The following TCP11L2 variants were observed in gnomAD, a reference collection of about 807,000 sequenced individuals.
The protein encoded by TCP11L2 is T-complex protein 11-like protein 2.
Under a neutral mutation model 50.7 loss-of-function variants are expected in TCP11L2, and 39 were observed. The ratio of observed to expected loss-of-function variants is 0.77; its 90% CI spans 0.60 to 1.01. TCP11L2 has a LOEUF of 1.01. Among genes scored for constraint, TCP11L2 ranks in the 50% least tolerant of loss-of-function variants. The pLI is 0.00. For synonymous variants in TCP11L2, 192 were observed against 219.3 expected, an observed-to-expected ratio of 0.88 and a Z score of 1.10; for missense variants, 612 against 614.7, an observed-to-expected ratio of 1.00 and a Z score of 0.05.
chr12:106,313,137 AT>A, intron 2 of TCP11L2, among the ~76,000 whole-genome samples: 1 of 152,252 alleles, frequency 6.6e-6, no homozygotes, highest in African/African-American at 2.4e-5. Context: ...AGTTCTTACT[AT>A]CTTCTTCTTT....
intron 6 of TCP11L2, 79 bp from the exon 7 acceptor site, chr12:106,335,560 C>A: frequency 6.8e-7 from 1 of 1,461,512 alleles, no homozygotes; most frequent in Non-Finnish European, 9.4e-7. Flanking sequence ...CAGCACCCAA[C>A]ACAGCATCTG....
rs552286380 is a variant in TCP11L2, at chr12:106,343,799, G to A, written c.1316-2487G>A. Reference sequence around the variant, plus strand: ...AGCCTCCCTAGTAGCTGGGACTACAGGTGCGGACCACCAAGCCCAGCTATT... The same window carrying A: ...AGCCTCCCTAGTAGCTGGGACTACAAGTGCGGACCACCAAGCCCAGCTATT... On this transcript the variant is annotated intron_variant, in intron 9 of 9. Coordinates refer to ENST00000299045, the MANE Select transcript of TCP11L2 (RefSeq NM_152772.3). Among the ~76,000 whole-genome samples the A allele has an allele frequency of 8.6e-5, 13 of 151,772 alleles. No individual in the cohort carries two copies. In the East Asian group the frequency reaches 2.6e-3, roughly 30 times the overall value.
intron 8 of TCP11L2, among the ~76,000 whole-genome samples, chr12:106,337,581 A>G (rs776624805): frequency 2.6e-5 from 4 of 152,246 alleles, no homozygotes. Context: ...AAATGTTATT[A>G]TAAAGTATAC....
chr12:106,319,510 C>A (rs1169460056), intron 4 of TCP11L2, among the ~76,000 whole-genome samples: 7 of 152,204 alleles, frequency 4.6e-5, no homozygotes. Context: ...GCCATGGACA[C>A]AGCTTAGGGT....
Position 106,346,923 on chromosome 12 carries a change from T to C in TCP11L2, c.*393T>C, listed in dbSNP as rs1244677501. On this transcript the variant is annotated 3_prime_UTR_variant, in exon 10 of 10. Transcript: ENST00000299045. ...CAAACCTAATGGTTTTTAATTTTGGTACAACTCCTTAAAGGGTTGAAGGTT... is the reference window on the plus strand; with the variant it reads ...CAAACCTAATGGTTTTTAATTTTGGCACAACTCCTTAAAGGGTTGAAGGTT... The C allele has an allele frequency of 6.2e-6, 1 of 160,846 alleles. No homozygotes were observed. Among genetic ancestry groups the C allele is most frequent in the Non-Finnish European group, 1.4e-5 (1 of 73,644 alleles). The allele number at this position is 160,846 out of a possible 1,614,324, so 10.0% of individuals were successfully genotyped here.
intron 4 of TCP11L2, among the ~76,000 whole-genome samples, 184 bp downstream of exon 4, chr12:106,318,648 A>T (rs558185013): frequency 6.6e-6 from 1 of 152,380 alleles, no homozygotes; most frequent in Admixed American, 6.5e-5. Flanking sequence ...TCCCTGATTC[A>T]TAGATGGTGC....
chr12:106,307,756 A>G (rs34826388), intron 1 of TCP11L2, among the ~76,000 whole-genome samples: 9,125 of 152,284 alleles, frequency 0.06, 364 homozygotes, highest in Non-Finnish European at 0.087. Context: ...GTTGAAGAAT[A>G]TGGTGTTATC....
At chr12:106,345,647 T>G (rs970441346) in intron 9 of TCP11L2, among the ~76,000 whole-genome samples, 22 of 142,120 alleles carry the variant, frequency 1.5e-4, no homozygotes, top group African/African-American at 5.8e-4. Flanking sequence ...AATAGGGCTC[T>G]GCCTTTTTTT....
At chr12:106,307,740 T>C (rs1360797331) in intron 1 of TCP11L2, among the ~76,000 whole-genome samples, 1 of 152,232 alleles carries the variant, frequency 6.6e-6, no homozygotes, top group Non-Finnish European at 1.5e-5. Flanking sequence ...CCAGCCTTGT[T>C]TGTCTGTTGA....
rs556489287 is a variant in TCP11L2 at position 106,329,996 on chromosome 12, GTCTC to G, written c.773-5637_773-5634del. 156 of 985,542 alleles carry G rather than the reference GTCTC, an allele frequency of 1.6e-4. No homozygotes were observed. The South Asian group carries it at 6.2e-3, about 39-fold the overall frequency. The allele number at this position is 985,542 out of a possible 1,614,324, so 61.0% of individuals were successfully genotyped here. ...AGTGCTGGGTCCAAGAAGAATTTCA[GTCTC>G]TCTCTACTCTGCACCTGTGTTCAGG... On this transcript the variant is annotated intron_variant, in intron 6 of 9. Transcript: ENST00000299045.
Position 106,314,373 on chromosome 12 carries a change from G to A in TCP11L2, c.173G>A (p.Arg58Lys), listed in dbSNP as rs748125058. 2.5e-6 allele frequency: 4 copies of A among 1,609,260 alleles called. No homozygotes were observed. In the East Asian group the frequency reaches 8.9e-5, roughly 36 times the overall value. The part of the protein sequence containing the change: ...SSSPASTSPP[R>K]VVTFDEVMAT... ...TTTCTTTCAGCAACAAGCCCTCCAA[G>A]GGTTGTAACATTTGATGAAGTGATG... The change falls in exon 3 of 10, where the codon AGG becomes AAG. Residue 58 changes from arginine to lysine, a missense_variant. By Grantham distance (26) the Arg-to-Lys change is conservative. Transcript: ENST00000299045.
At chr12:106,306,648 T>C (rs1403360399) in intron 1 of TCP11L2, among the ~76,000 whole-genome samples, 1 of 152,206 alleles carries the variant, frequency 6.6e-6, no homozygotes, top group Non-Finnish European at 1.5e-5. Flanking sequence ...TGACATTACA[T>C]TTTCGGAACT....
chr12:106,311,598 T>A (rs1334070908), intron 2 of TCP11L2, among the ~76,000 whole-genome samples: 2 of 152,160 alleles, frequency 1.3e-5, no homozygotes, highest in Non-Finnish European at 2.9e-5. Context: ...CTGATTTACA[T>A]TGAAGGAAAC....
chr12:106,329,700 T>C (rs1209040226), intron 6 of TCP11L2: 1 of 1,114,252 alleles, frequency 9.0e-7, no homozygotes, highest in Non-Finnish European at 1.1e-6. Context: ...CTAAATGGGC[T>C]CTTAAATGTG....
chr12:106,338,104 G>C (rs555109904), intron 8 of TCP11L2, among the ~76,000 whole-genome samples: 1 of 152,204 alleles, frequency 6.6e-6, no homozygotes, highest in Admixed American at 6.5e-5. Context: ...CATGGCTTAT[G>C]CTAAGACAAC....
At chr12:106,302,142 T>G (rs2034432921), upstream of TCP11L2, 1 of 152,322 alleles carries the variant, frequency 6.6e-6, no homozygotes, top group African/African-American at 2.4e-5. Flanking sequence ...GGGCACCCAG[T>G]TCCGATTGCC....
chr12:106,309,240 G>A (rs1191911365), intron 1 of TCP11L2, among the ~76,000 whole-genome samples: 1 of 152,190 alleles, frequency 6.6e-6, no homozygotes, highest in Admixed American at 6.5e-5. Flanking sequence ...CTTCCCCTGA[G>A]CAGATTGGAG....
chr12:106,301,700 TA>T (rs2034420504), upstream of TCP11L2, among the ~76,000 whole-genome samples: 1 of 152,170 alleles, frequency 6.6e-6, no homozygotes, highest in African/African-American at 2.4e-5. Context: ...ATTTCCCAAG[TA>T]ATACAGCACC....
chr12:106,300,092 A>G (rs1248656644), upstream of TCP11L2, among the ~76,000 whole-genome samples: 1 of 152,114 alleles, frequency 6.6e-6, no homozygotes, highest in East Asian at 1.9e-4. Flanking sequence ...AGTTAGAAAA[A>G]CTAGGTGTAA....
Sources: allele counts gnomAD v4.1 joint callset (sites outside exome capture counted in the v4.1 genomes callset), GRCh38; gene constraint gnomAD v4.1.1; transcripts MANE v1.5; gene names NCBI Gene and HGNC (gene_info 2026-07-23, HGNC 2026-07-21).